SNX20: variants seen among roughly 807,000 people sequenced by gnomAD.
SNX20 encodes sorting nexin 20.
SNX20 carries 21 observed loss-of-function variants against 24.5 expected under a neutral mutation model. The observed-to-expected ratio is 0.86, with a 90% CI of 0.61 to 1.23. The LOEUF is 1.23. SNX20 is among the 50% of genes most tolerant of loss of function. The pLI is 0.00. For missense variants in SNX20, 433 were observed against 430.8 expected (o/e 1.00, Z -0.04); for synonymous variants, 206 against 192.8 (o/e 1.07, Z -0.57).
chr16:50,674,229 G>GTTTATTTATTTATTTA (rs752759802), intron 3 of SNX20, among the ~76,000 whole-genome samples, 155 bp from the exon 4 acceptor site: 5 of 131,088 alleles, frequency 3.8e-5, no homozygotes, highest in East Asian at 4.1e-4. Flanking sequence ...TTGTTTGTTT[G>GTTTATTTATTTATTTA]TTTATTTATT....
chr16:50,666,873 G>A (rs987668598), downstream of SNX20: 1 of 152,310 alleles, frequency 6.6e-6, no homozygotes, highest in Non-Finnish European at 1.5e-5. Flanking sequence ...ACTGCCAGGG[G>A]AGAGCTCTCT....
At chr16:50,671,494 T>A (rs1299644157), downstream of SNX20, 1 of 152,230 alleles carries the variant, frequency 6.6e-6, no homozygotes, top group Non-Finnish European at 1.5e-5. Flanking sequence ...ACTCTTTGCT[T>A]TTCCAGCTTT....
In SNX20 at chr16:50,677,381, C is replaced by T; in HGVS notation, c.130+16G>A. On this transcript the variant is annotated intron_variant, in intron 2 of 3. Transcript: ENST00000330943. ...CAGACCTCTCCCCCAGACCGAGTCTCAAGCCTCAAGCCCACCTAAGTGCCC... is the reference window on the plus strand; with the variant it reads ...CAGACCTCTCCCCCAGACCGAGTCTTAAGCCTCAAGCCCACCTAAGTGCCC... 3 of 1,565,650 alleles carry T rather than the reference C, an allele frequency of 1.9e-6. No homozygotes were observed. The highest frequency in any genetic ancestry group is 2.6e-6 in the Non-Finnish European group (3 of 1,153,798).
At position 50,675,772 on chromosome 16, in the gene SNX20, C is replaced by CA; in HGVS notation, c.279dup (p.Val94CysfsTer14). ...ACCATTTCCCAATCTCTGCTTACCA[C>CA]AAACTTAGAGACTTTTCTCTCCTCG... On this transcript the variant is annotated frameshift_variant, in exon 3 of 4. Transcript: ENST00000330943. LOFTEE classifies it high-confidence loss of function. The CA allele has an allele frequency of 8.7e-6, 14 of 1,612,780 alleles. No homozygotes were observed. Among genetic ancestry groups the CA allele is most frequent in the Non-Finnish European group, 1.2e-5 (14 of 1,179,446 alleles).
intron 3 of SNX20, 39 bp from the exon 4 acceptor site, chr16:50,674,113 C>G (rs570109822): frequency 3.2e-6 from 5 of 1,544,994 alleles, no homozygotes; most frequent in South Asian, 1.2e-5. Flanking sequence ...CACCTCCCGG[C>G]GGGGGCTGCG....
chr16:50,673,879 C>A lies in SNX20; in HGVS notation c.478G>T (p.Ala160Ser), dbSNP rs770818368. The change falls in exon 4 of 4, where the codon GCC becomes TCC. Residue 160 changes from alanine to serine, a missense_variant. By Grantham distance (99) the Ala-to-Ser change is moderately conservative. Coordinates refer to ENST00000330943, the MANE Select transcript of SNX20 (RefSeq NM_182854.4). This position sits in a 1 kb window ranked among gnomAD's most constrained non-coding sequence, Gnocchi z 4.1. ...AGCAGGCCCAGGTACTCCTGCAGGG[C>A]GCGCCGACGCTCACAGATCATCTCC... is the stretch of plus-strand genomic sequence containing the variant. Reference protein sequence around the residue: ...AEEMICERRRALQEYLGLLYA... With the variant: ...AEEMICERRRSLQEYLGLLYA... 21 of 1,607,568 alleles carry A rather than the reference C, an allele frequency of 1.3e-5. No individual in the cohort carries two copies. Among genetic ancestry groups the A allele is most frequent in the Non-Finnish European group, 1.7e-5 (20 of 1,179,614 alleles).
intron 2 of SNX20, among the ~76,000 whole-genome samples, chr16:50,676,489 G>A (rs1303105722): frequency 1.3e-5 from 2 of 152,092 alleles, no homozygotes; most frequent in African/African-American, 4.8e-5. Flanking sequence ...CCTGGAAAAC[G>A]AACACAGTGT....
chr16:50,677,615 T>C, intron 1 of SNX20, 80 bp from the exon 2 acceptor site: 8 of 1,329,178 alleles, frequency 6.0e-6, no homozygotes, highest in Non-Finnish European at 7.9e-6. Context: ...AGGAGCTGTG[T>C]CATGCCCCCT....
chr16:50,678,625 C>T (rs867803349), intron 1 of SNX20, among the ~76,000 whole-genome samples: 1 of 152,172 alleles, frequency 6.6e-6, no homozygotes, highest in African/African-American at 2.4e-5. Flanking sequence ...GAGTGGTGGG[C>T]AGGATACAGA....
At chr16:50,671,244 G>C (rs1485877432), downstream of SNX20, 1 of 151,936 alleles carries the variant, frequency 6.6e-6, no homozygotes, top group Non-Finnish European at 1.5e-5. Flanking sequence ...TCCAGGTCTT[G>C]AGGCACCTGG....
At chr16:50,676,348 G>A (rs1963182031) in intron 2 of SNX20, among the ~76,000 whole-genome samples, 1 of 152,068 alleles carries the variant, frequency 6.6e-6, no homozygotes, top group Non-Finnish European at 1.5e-5. Context: ...GGCAGGGGAG[G>A]CAGTGAGGAG....
chr16:50,678,128 A>C (rs1963224978), intron 1 of SNX20, among the ~76,000 whole-genome samples: 1 of 152,156 alleles, frequency 6.6e-6, no homozygotes, highest in South Asian at 2.1e-4. Context: ...CTTAAGCCCA[A>C]GAGACTGAGG....
chr16:50,669,369 T>C, downstream of SNX20: 2 of 525,562 alleles, frequency 3.8e-6, no homozygotes, highest in Non-Finnish European at 6.8e-6. Flanking sequence ...GTGACTTACA[T>C]GGCAAGAGAG....
downstream of SNX20, chr16:50,670,048 G>A (rs759102244): frequency 6.6e-6 from 1 of 152,302 alleles, no homozygotes; most frequent in African/African-American, 2.4e-5. Context: ...CAGCCAGTGG[G>A]GGGGAGTGGC....
chr16:50,669,219 C>G (rs1962984650), downstream of SNX20: 7 of 761,136 alleles, frequency 9.2e-6, no homozygotes. Flanking sequence ...TAAAGGAATA[C>G]CTGAGGTTGG....
exon 4 of SNX20, chr16:50,666,506 T>G (rs1962920042): frequency 6.6e-6 from 1 of 152,298 alleles, no homozygotes; most frequent in South Asian, 2.1e-4. Context: ...CATTGTGGGG[T>G]GGTTAAAATA....
chr16:50,677,367 C>T, intron 2 of SNX20, 30 bp downstream of exon 2: 2 of 1,548,348 alleles, frequency 1.3e-6, no homozygotes, highest in Non-Finnish European at 1.7e-6. Context: ...AGACCTCTCC[C>T]CCAGACCGAG....
intron 2 of SNX20, 44 bp from the exon 3 acceptor site, chr16:50,675,965 C>T: frequency 1.9e-6 from 3 of 1,549,196 alleles, no homozygotes; most frequent in Non-Finnish European, 2.6e-6. Flanking sequence ...TGTCAGTGCA[C>T]TTCCGAGGCA....
chr16:50,668,596 C>A, downstream of SNX20: 1 of 1,016,238 alleles, frequency 9.8e-7, no homozygotes, highest in East Asian at 9.4e-5. Context: ...ATAGAACAGG[C>A]TGTGGCATTG....
Sources: allele counts gnomAD v4.1 joint callset (sites outside exome capture counted in the v4.1 genomes callset), GRCh38; gene constraint gnomAD v4.1.1; non-coding constraint Gnocchi (gnomAD v3.1); transcripts MANE v1.5; gene names NCBI Gene and HGNC (gene_info 2026-07-23, HGNC 2026-07-21).